The following LINGO2 variants were observed in gnomAD, a reference collection of about 807,000 sequenced individuals.
LINGO2 encodes leucine-rich repeat and immunoglobulin-like domain-containing nogo receptor-interacting protein 2.
Under a neutral mutation model 30.6 loss-of-function variants are expected in LINGO2, and 14 were observed. The observed-to-expected ratio is 0.46, with a 90% CI of 0.30 to 0.72. The LOEUF (loss-of-function observed/expected upper bound fraction) is 0.72. Among genes scored for constraint, LINGO2 ranks in the 30% least tolerant of loss-of-function variants. The pLI is 0.07. For synonymous variants in LINGO2, 317 were observed against 288.5 expected (o/e 1.10, Z -1.00); for missense variants, 729 against 751.7 (o/e 0.97, Z 0.35).
At chr9:28,520,160 C>T (rs1000590498) in intron 1 of LINGO2, among the ~76,000 whole-genome samples, 2 of 152,062 alleles carry the variant, frequency 1.3e-5, no homozygotes, top group Admixed American at 1.3e-4. Flanking sequence ...TCTTATGCCG[C>T]TTTTGTGTTC....
intron 4 of LINGO2, among the ~76,000 whole-genome samples, chr9:28,243,922 C>G (rs983372754): frequency 1.9e-4 from 29 of 152,132 alleles, no homozygotes; most frequent in Admixed American, 9.2e-4. Context: ...ATCCATGAGA[C>G]AGAAAATTAA....
At chr9:28,008,477 T>G (rs2119216968) in intron 5 of LINGO2, among the ~76,000 whole-genome samples, 1 of 61,912 alleles carries the variant, frequency 1.6e-5, no homozygotes. Flanking sequence ...CTCAAGACAG[T>G]TATGGAAGGA....
intron 1 of LINGO2, among the ~76,000 whole-genome samples, chr9:28,561,782 A>ATATATATATATAT (rs1563826654): frequency 2.7e-5 from 2 of 73,616 alleles, no homozygotes; most frequent in African/African-American, 7.2e-5. Flanking sequence ...TATATATATA[A>ATATATATATATAT]AAAATATGCT....
chr9:27,962,417 G>A (rs1819892364), intron 5 of LINGO2, among the ~76,000 whole-genome samples: 1 of 152,076 alleles, frequency 6.6e-6, no homozygotes. Context: ...GGCCAAAACT[G>A]AACTAGAAAG....
chr9:28,632,856 T>A (rs7466568), intron 1 of LINGO2, among the ~76,000 whole-genome samples: 5,882 of 93,390 alleles, frequency 0.063, 290 homozygotes, highest in African/African-American at 0.098. Flanking sequence ...TATATATTTT[T>A]TATATATATA....
chr9:29,144,253 G>T, the LINGO2 span, among the ~76,000 whole-genome samples: 14 of 151,372 alleles, frequency 9.2e-5, no homozygotes, highest in African/African-American at 3.4e-4. Context: ...CTCCTTTTTG[G>T]TTCCATATAC....
At chr9:28,362,396 A>C (rs147400733) in intron 3 of LINGO2, among the ~76,000 whole-genome samples, 6 of 152,298 alleles carry the variant, frequency 3.9e-5, no homozygotes, top group African/African-American at 1.4e-4. Context: ...TAAACCAAGA[A>C]CAAAGATTGA....
intron 5 of LINGO2, among the ~76,000 whole-genome samples, chr9:27,958,535 T>C (rs1313720187): frequency 1.3e-5 from 2 of 148,852 alleles, no homozygotes; most frequent in Non-Finnish European, 2.9e-5. Flanking sequence ...ACAATAGTTA[T>C]TTTAAGGGAG....
At chr9:28,989,036 A>G in the LINGO2 span, among the ~76,000 whole-genome samples, 1 of 152,114 alleles carries the variant, frequency 6.6e-6, no homozygotes, top group Non-Finnish European at 1.5e-5. Context: ...TTTTAAATTC[A>G]TTTACCATAC....
chr9:28,264,424 ATTTT>A (rs1370961562), intron 4 of LINGO2, among the ~76,000 whole-genome samples: 1 of 151,986 alleles, frequency 6.6e-6, no homozygotes, highest in Admixed American at 6.6e-5. Flanking sequence ...AAAACGCATT[ATTTT>A]TTAACTTAAT....
chr9:29,103,779 T>C, the LINGO2 span, among the ~76,000 whole-genome samples: 3 of 152,266 alleles, frequency 2.0e-5, no homozygotes, highest in East Asian at 5.8e-4. Flanking sequence ...CCACATTTCA[T>C]GGTCAATTTT....
the LINGO2 span, among the ~76,000 whole-genome samples, chr9:28,761,254 T>G: frequency 6.6e-6 from 1 of 151,876 alleles, no homozygotes; most frequent in South Asian, 2.1e-4. Context: ...GAGAAATAGG[T>G]TTAGATCTTT....
chr9:29,206,901 T>G, the LINGO2 span, among the ~76,000 whole-genome samples: 53 of 152,216 alleles, frequency 3.5e-4, no homozygotes, highest in Non-Finnish European at 5.3e-4. Context: ...GCTTTTATCA[T>G]TACCTGCAAA....
the LINGO2 span, among the ~76,000 whole-genome samples, chr9:28,963,719 C>T: frequency 9.9e-5 from 15 of 151,854 alleles, no homozygotes; most frequent in African/African-American, 3.4e-4. Flanking sequence ...CATATGTGAG[C>T]TAAGAAATTT....
chr9:28,993,286 G>T, the LINGO2 span, among the ~76,000 whole-genome samples: 1 of 151,990 alleles, frequency 6.6e-6, no homozygotes, highest in Non-Finnish European at 1.5e-5. Flanking sequence ...TAAATTCCTC[G>T]ACACATACAC....
the LINGO2 span, among the ~76,000 whole-genome samples, chr9:28,770,816 G>T: frequency 6.6e-6 from 1 of 152,150 alleles, no homozygotes; most frequent in East Asian, 1.9e-4. Context: ...ATTTAACAAG[G>T]AAAAAATTGG....
At chr9:27,950,912 C>CT (rs1819274972) in intron 5 of LINGO2, among the ~76,000 whole-genome samples, 1 of 152,078 alleles carries the variant, frequency 6.6e-6, no homozygotes, top group Admixed American at 6.6e-5. Context: ...GTTTTCCTGG[C>CT]TGTGAAATGG....
intron 1 of LINGO2, among the ~76,000 whole-genome samples, chr9:28,495,826 T>C (rs1819595263): frequency 6.6e-6 from 1 of 152,180 alleles, no homozygotes; most frequent in Admixed American, 6.5e-5. Flanking sequence ...ACACACTGCT[T>C]TAAATGTGTC....
the LINGO2 span, among the ~76,000 whole-genome samples, chr9:28,925,895 G>A: frequency 6.6e-6 from 1 of 152,144 alleles, no homozygotes; most frequent in Non-Finnish European, 1.5e-5. Context: ...TAGAGACCTT[G>A]GGTCCAGAGC....
Sources: allele counts gnomAD v4.1 joint callset (sites outside exome capture counted in the v4.1 genomes callset), GRCh38; gene constraint gnomAD v4.1.1; transcripts MANE v1.5; gene names NCBI Gene and HGNC (gene_info 2026-07-23, HGNC 2026-07-21).